The following RELN variants were observed in gnomAD, a reference collection of about 807,000 sequenced individuals.
The protein encoded by RELN is reelin.
Under a neutral mutation model 427.6 loss-of-function variants are expected in RELN, and 108 were observed. The observed-to-expected ratio is 0.25, with a 90% CI of 0.22 to 0.30. RELN has a LOEUF of 0.30. Among genes scored for constraint, RELN ranks in the 10% least tolerant of loss-of-function variants. The pLI is 1.00. For synonymous variants in RELN, 1,524 were observed against 1,513.4 expected, an observed-to-expected ratio of 1.01 and a Z score of -0.16; for missense variants, 3,715 against 4,302.8, an observed-to-expected ratio of 0.86 and a Z score of 3.82.
intron 20 of RELN, among the ~76,000 whole-genome samples, chr7:103,617,110 C>G: frequency 6.6e-6 from 1 of 152,154 alleles, no homozygotes; most frequent in Non-Finnish European, 1.5e-5. Context: ...CCTTAATCTA[C>G]ATTTTTTGAT....
Position 103,496,723 on chromosome 7 carries a change from A to G in RELN, c.8996T>C (p.Ile2999Thr). The change falls in exon 56 of 65, where the codon ATT becomes ACT. Residue 2999 changes from isoleucine to threonine, a missense_variant. By Grantham distance (89) the Ile-to-Thr change is moderately conservative. Coordinates refer to ENST00000428762, the MANE Select transcript of RELN (RefSeq NM_005045.4). ...LLHEMDYQKY[I>T]SVRHDYILLP... is the part of the protein sequence containing the mutation. ...AAGTATGTAGTCGTGTCTAACAGAA[A>G]TGTATTTCTGGTAATCCATCTCATG... 1 of 1,614,172 alleles carries G rather than the reference A, an allele frequency of 6.2e-7. No individual in the cohort carries two copies.
At chr7:103,782,093 A>G (rs1791904874) in intron 3 of RELN, among the ~76,000 whole-genome samples, 1 of 152,112 alleles carries the variant, frequency 6.6e-6, no homozygotes, top group Admixed American at 6.6e-5. Flanking sequence ...CTATTAACTA[A>G]GTAATTTTAA....
At chr7:103,954,926 C>T (rs772480951) in intron 1 of RELN, among the ~76,000 whole-genome samples, 12 of 152,142 alleles carry the variant, frequency 7.9e-5, no homozygotes, top group Non-Finnish European at 1.8e-4. Context: ...ATTAGCAAGA[C>T]TTTAAAAGAT....
chr7:103,916,948 C>T (rs111731394), intron 2 of RELN, 127 bp downstream of exon 2: 2 of 788,012 alleles, frequency 2.5e-6, no homozygotes, highest in East Asian at 5.1e-5. Flanking sequence ...CACACAAAAA[C>T]AAAACACTTC....
At chr7:103,887,533 G>A (rs10257449) in intron 2 of RELN, among the ~76,000 whole-genome samples, 40,350 of 152,040 alleles carry the variant, frequency 0.27, 6,026 homozygotes, top group African/African-American at 0.4. Flanking sequence ...TGGGTCTCCT[G>A]TGCAATAAAA....
rs1054891573 is a variant in RELN, at chr7:103,791,421, T to C, written c.474-14794A>G. On this transcript the variant is annotated intron_variant, in intron 3 of 64. Transcript: ENST00000428762. Reference sequence around the variant, plus strand: ...AGATGTATAGATCAATAGAACAGAATTGAGAGTCCAGTAGTATACTTTTAC... The same window carrying C: ...AGATGTATAGATCAATAGAACAGAACTGAGAGTCCAGTAGTATACTTTTAC... Among the ~76,000 whole-genome samples the C allele has an allele frequency of 3.0e-4, 46 of 152,186 alleles. 1 individual carries two copies. The highest frequency in any genetic ancestry group is 2.5e-3 in the Admixed American group (38 of 15,272).
At chr7:103,828,048 T>C (rs1364089988) in intron 3 of RELN, among the ~76,000 whole-genome samples, 6 of 152,004 alleles carry the variant, frequency 3.9e-5, no homozygotes, top group Non-Finnish European at 7.4e-5. Context: ...CATGGGGGAA[T>C]CCCTGATCTT....
intron 2 of RELN, among the ~76,000 whole-genome samples, chr7:103,863,098 A>T (rs1794109139): frequency 1.3e-5 from 2 of 152,160 alleles, no homozygotes; most frequent in South Asian, 4.2e-4. Context: ...AAAGCTCATC[A>T]AGAGAGACTG....
Position 103,498,097 on chromosome 7 carries a change from A to G in RELN, c.8823T>C (p.Asp2941=). The change falls in exon 54 of 65, where the codon GAT becomes GAC. Residue 2941 remains aspartate (D), a synonymous_variant. Coordinates refer to ENST00000428762, the MANE Select transcript of RELN (RefSeq NM_005045.4). ...CTTACTTTGCACCTCGAAGATCCAA[A>G]TCTTGTGTAACCGCTTGTCTCACAG... The part of the protein sequence containing the change: ...GSTVRQAVTQ[D]LDLRGAKFLQ... 1 of 1,614,192 alleles carries G rather than the reference A, an allele frequency of 6.2e-7. No individual in the cohort carries two copies. The highest frequency in any genetic ancestry group is 1.6e-4 in the Middle Eastern group (1 of 6,062).
intron 12 of RELN, among the ~76,000 whole-genome samples, chr7:103,656,989 T>C (rs1280215515): frequency 6.6e-6 from 1 of 152,120 alleles, no homozygotes; most frequent in Non-Finnish European, 1.5e-5. Flanking sequence ...TCTGTTTGAC[T>C]TCAAACCTTT....
rs1334061774 is a variant in RELN, at chr7:103,636,369, G to A, written c.2169C>T (p.Tyr723=). ...ESFGSSRLSS[Y]HNFYSIRGAE... The stretch of plus-strand genomic sequence containing the variant: ...CACCACGGATAGAGTAAAAGTTATG[G>A]TAAGAGGAGAGCCTGGAACTGCCAA... Residue 723 remains tyrosine (Y), a synonymous_variant, in exon 18 of 65, where the codon TAC becomes TAT. Coordinates refer to ENST00000428762, the MANE Select transcript of RELN (RefSeq NM_005045.4). The A allele has an allele frequency of 1.9e-6, 3 of 1,613,872 alleles. No homozygotes were observed. The highest frequency in any genetic ancestry group is 1.7e-5 in the Admixed American group (1 of 60,002).
chr7:103,930,184 T>A (rs956834003), intron 1 of RELN, among the ~76,000 whole-genome samples: 10 of 152,120 alleles, frequency 6.6e-5, no homozygotes, highest in Admixed American at 6.5e-4. Context: ...TCCTGAAGCC[T>A]CCCTCCTCAG....
chr7:103,603,218 C>A lies in RELN; in HGVS notation c.3333+86G>T. ...GCGGGGAACGTGGGGAACAATAGAACCACTTCATATTTGTACATTTGGAAT... is the reference window on the plus strand; with the variant it reads ...GCGGGGAACGTGGGGAACAATAGAAACACTTCATATTTGTACATTTGGAAT... On this transcript the variant is annotated intron_variant, in intron 24 of 64. Coordinates refer to ENST00000428762, the MANE Select transcript of RELN (RefSeq NM_005045.4). This position sits in a 1 kb window ranked among gnomAD's most constrained non-coding sequence, Gnocchi z 4.3. 2 of 1,117,552 alleles carry A rather than the reference C, an allele frequency of 1.8e-6. No individual in the cohort carries two copies. Among genetic ancestry groups the A allele is most frequent in the Non-Finnish European group, 2.7e-6 (2 of 729,056 alleles). The allele number at this position is 1,117,552 out of a possible 1,614,324, so 69.2% of individuals were successfully genotyped here. A position where few individuals can be genotyped will look rare whatever the true frequency, so the allele number is the denominator to read the frequency against.
In RELN at chr7:103,777,457, T is replaced by A. The variant is rs190664705; in HGVS notation, c.474-830A>T. Among the ~76,000 whole-genome samples the A allele has an allele frequency of 6.6e-5, 10 of 152,316 alleles. No individual in the cohort carries two copies. In the East Asian group the frequency reaches 1.7e-3, roughly 26 times the overall value. On this transcript the variant is annotated intron_variant, in intron 3 of 64. Transcript: ENST00000428762. ...TTTTTTAATAACAAAAAAATTAGCA[T>A]GAAATCTTAACTTTAGTTTTAGCCA...
intron 4 of RELN, among the ~76,000 whole-genome samples, chr7:103,756,276 C>G (rs1791150067): frequency 6.6e-6 from 1 of 152,100 alleles, no homozygotes; most frequent in Non-Finnish European, 1.5e-5. Context: ...TTAGAAAGAC[C>G]CACTGAGTCA....
intron 46 of RELN, among the ~76,000 whole-genome samples, chr7:103,534,997 C>T (rs1008126): frequency 0.61 from 92,440 of 151,972 alleles, 29,063 homozygotes; most frequent in Non-Finnish European, 0.68. Flanking sequence ...CTATTTTAAA[C>T]GACTTGTCTG....
chr7:103,709,862 T>C (rs959066078), intron 8 of RELN, among the ~76,000 whole-genome samples: 7 of 152,170 alleles, frequency 4.6e-5, no homozygotes, highest in African/African-American at 1.2e-4. Context: ...ACAGTAGCTA[T>C]AGCAGTATAT....
intron 10 of RELN, among the ~76,000 whole-genome samples, chr7:103,695,451 A>G (rs1007338586): frequency 2.7e-5 from 4 of 148,786 alleles, no homozygotes; most frequent in African/African-American, 1.0e-4. Flanking sequence ...GTGATTGGAA[A>G]GCTTATGAGT....
chr7:103,764,170 T>C (rs1331857072), intron 4 of RELN, among the ~76,000 whole-genome samples: 1 of 152,168 alleles, frequency 6.6e-6, no homozygotes, highest in Non-Finnish European at 1.5e-5. Flanking sequence ...TTAGTAATAG[T>C]AGTGAGAGCT....
Sources: allele counts gnomAD v4.1 joint callset (sites outside exome capture counted in the v4.1 genomes callset), GRCh38; gene constraint gnomAD v4.1.1; non-coding constraint Gnocchi (gnomAD v3.1); transcripts MANE v1.5; gene names NCBI Gene and HGNC (gene_info 2026-07-23, HGNC 2026-07-21).